UBQLN1: variants seen among roughly 807,000 people sequenced by gnomAD.
UBQLN1 encodes the protein ubiquilin-1.
In UBQLN1, 13 loss-of-function variants were observed where a neutral mutation model predicts 65.4. That is an observed-to-expected ratio of 0.20 (90% CI 0.13 to 0.32). The LOEUF is 0.32. Ranked by LOEUF, UBQLN1 falls within the 10% of genes least tolerant of loss-of-function variation. The probability of loss-of-function intolerance (pLI) is 1.00; values close to 1 mark genes in which losing one functional copy is unlikely to be tolerated. For synonymous variants in UBQLN1, 267 were observed against 247.8 expected (o/e 1.08, Z -0.73); for missense variants, 561 against 724.0 (o/e 0.77, Z 2.58).
intron 1 of UBQLN1, among the ~76,000 whole-genome samples, chr9:83,689,721 T>C (rs1832095541): frequency 6.6e-6 from 1 of 152,206 alleles, no homozygotes; most frequent in Non-Finnish European, 1.5e-5. Context: ...AGGGGCACCA[T>C]ATACTGGACT....
At chr9:83,664,112 A>G in intron 9 of UBQLN1, 69 bp from the exon 10 acceptor site, 7 of 1,500,854 alleles carry the variant, frequency 4.7e-6, no homozygotes, top group South Asian at 1.3e-5. Flanking sequence ...TAAATCAGTT[A>G]CATTTTAATA....
At chr9:83,666,467 A>C (rs1304134747) in intron 7 of UBQLN1, 34 bp from the exon 8 acceptor site, 1 of 1,600,162 alleles carries the variant, frequency 6.2e-7, no homozygotes, top group Middle Eastern at 1.7e-4. Flanking sequence ...TTTTAACTGG[A>C]AATATCTGAA....
chr9:83,691,936 T>C (rs994265191), intron 1 of UBQLN1, among the ~76,000 whole-genome samples: 9 of 152,194 alleles, frequency 5.9e-5, no homozygotes, highest in African/African-American at 9.7e-5. Context: ...CCATTCATAA[T>C]TCAGTTCTTA....
At chr9:83,699,399 C>A (rs549015676) in intron 1 of UBQLN1, among the ~76,000 whole-genome samples, 3 of 152,194 alleles carry the variant, frequency 2.0e-5, no homozygotes, top group Non-Finnish European at 4.4e-5. Flanking sequence ...TGGAATGCTG[C>A]GGTGCAATCA....
At chr9:83,706,111 C>A (rs1443405908) in intron 1 of UBQLN1, among the ~76,000 whole-genome samples, 1 of 121,660 alleles carries the variant, frequency 8.2e-6, no homozygotes, top group Non-Finnish European at 1.7e-5. Flanking sequence ...CATTTCACTG[C>A]TGCCAAAATT....
intron 1 of UBQLN1, among the ~76,000 whole-genome samples, chr9:83,695,871 C>T (rs995771742): frequency 2.0e-5 from 3 of 152,192 alleles, no homozygotes; most frequent in Admixed American, 1.3e-4. Context: ...ATTTAAGTAT[C>T]AACTTCAGTC....
intron 1 of UBQLN1, among the ~76,000 whole-genome samples, chr9:83,706,022 T>C (rs1832399441): frequency 6.6e-6 from 1 of 152,098 alleles, no homozygotes; most frequent in African/African-American, 2.4e-5. Context: ...TAGTCAATTA[T>C]AATGTTCTAT....
At chr9:83,692,731 A>T (rs1284324270) in intron 1 of UBQLN1, among the ~76,000 whole-genome samples, 1 of 152,122 alleles carries the variant, frequency 6.6e-6, no homozygotes, top group Non-Finnish European at 1.5e-5. Context: ...AAATGCCTGT[A>T]ATCCCAGCTA....
chr9:83,707,620 G>C lies in UBQLN1; in HGVS notation c.60C>G (p.Ala20=), dbSNP rs547889730. 20 of 1,583,832 alleles carry C rather than the reference G, an allele frequency of 1.3e-5. No homozygotes were observed. In the Middle Eastern group the frequency reaches 5.1e-4, roughly 40 times the overall value. ...PPGSQDSAAG[A]EGAGAPAAAA... ...CGGCCGCGGGGGCGCCAGCACCTTC[G>C]GCTCCGGCGGCGCTATCCTGGGAGC... is the stretch of plus-strand genomic sequence containing the variant. Residue 20 remains alanine (A), a synonymous_variant, in exon 1 of 11, where the codon GCC becomes GCG. Transcript: ENST00000376395.
chr9:83,706,843 G>T (rs1327916945), intron 1 of UBQLN1, among the ~76,000 whole-genome samples: 2 of 152,072 alleles, frequency 1.3e-5, no homozygotes, highest in Non-Finnish European at 2.9e-5. Context: ...CATACTAAAA[G>T]GGAAAGAGCA....
At chr9:83,691,586 G>A (rs576650056) in intron 1 of UBQLN1, among the ~76,000 whole-genome samples, 3 of 152,240 alleles carry the variant, frequency 2.0e-5, no homozygotes, top group Non-Finnish European at 2.9e-5. Flanking sequence ...CCACACATTC[G>A]AAAATTACCT....
chr9:83,677,804 C>T lies in UBQLN1; in HGVS notation c.1028G>A (p.Gly343Asp), dbSNP rs774451365. ...ACTGGCAGTACTACCAGTAGTGCCA[C>T]CCACAGTGCTGGCAGTGCCGCTGGA... ...SASSGTASTV[G>D]GTTGSTASGT... Residue 343 changes from glycine (G) to aspartate (D), a missense_variant, in exon 6 of 11, where the codon GGT (glycine) becomes GAT (aspartate). By Grantham distance (94) the Gly-to-Asp change is moderately conservative. Transcript: ENST00000376395. 1.2e-6 allele frequency: 2 copies of T among 1,614,134 alleles called. No homozygotes were observed. Among genetic ancestry groups the T allele is most frequent in the Middle Eastern group, 1.6e-4 (1 of 6,062 alleles).
intron 6 of UBQLN1, among the ~76,000 whole-genome samples, chr9:83,673,080 A>G (rs921683673): frequency 1.3e-5 from 2 of 152,126 alleles, no homozygotes; most frequent in Non-Finnish European, 2.9e-5. Context: ...AGATACAAAA[A>G]TCAGCTGGGT....
chr9:83,691,545 T>C (rs1482106185), intron 1 of UBQLN1, among the ~76,000 whole-genome samples: 1 of 152,324 alleles, frequency 6.6e-6, no homozygotes, highest in East Asian at 1.9e-4. Context: ...TTCTCTACAA[T>C]GTCCTAGATG....
chr9:83,701,245 C>G (rs911588951), intron 1 of UBQLN1, among the ~76,000 whole-genome samples: 1 of 151,650 alleles, frequency 6.6e-6, no homozygotes, highest in Non-Finnish European at 1.5e-5. Context: ...AAATAACATC[C>G]TTATGAAAAA....
At chr9:83,690,936 G>A (rs1032887561) in intron 1 of UBQLN1, among the ~76,000 whole-genome samples, 2 of 152,124 alleles carry the variant, frequency 1.3e-5, no homozygotes, top group East Asian at 1.9e-4. Flanking sequence ...TCAGGAATTC[G>A]AGACTAGCCT....
rs1831544522 is a variant in UBQLN1 at position 83,660,412 on chromosome 9, C to CAA, written c.*1373_*1374dup. On this transcript the variant is annotated 3_prime_UTR_variant, in exon 11 of 11. Transcript: ENST00000376395. Reference sequence around the variant, plus strand: ...GTCAGCCAAATGTATCACTGACCCTCAATTATGTTTTAATTGGTCCTAAAG... The same window carrying CAA: ...GTCAGCCAAATGTATCACTGACCCTCAAAATTATGTTTTAATTGGTCCTAAAG... 1 of 152,550 alleles carries CAA rather than the reference C, an allele frequency of 6.6e-6. No individual in the cohort carries two copies. The highest frequency in any genetic ancestry group is 6.5e-5 in the Admixed American group (1 of 15,270). 9.4% of individuals were successfully genotyped at this position (152,550 alleles called of 1,614,324 possible).
intron 1 of UBQLN1, among the ~76,000 whole-genome samples, chr9:83,689,012 CAT>C (rs1321980714): frequency 6.6e-6 from 1 of 152,192 alleles, no homozygotes; most frequent in Non-Finnish European, 1.5e-5. Context: ...TATTCACAGA[CAT>C]GTGTTACAAT....
Position 83,660,461 on chromosome 9 carries a change from G to A in UBQLN1, c.*1326C>T, listed in dbSNP as rs1328097572. ...AGGAATGTACCACCCCAACAGTTTG[G>A]GAGTTAGGCAAACAGAATTCTTTGG... On this transcript the variant is annotated 3_prime_UTR_variant, in exon 11 of 11. Coordinates refer to ENST00000376395, the MANE Select transcript of UBQLN1 (RefSeq NM_013438.5). 1.3e-5 allele frequency: 2 copies of A among 152,556 alleles called. No individual in the cohort carries two copies. Among genetic ancestry groups the A allele is most frequent in the African/African-American group, 2.4e-5 (1 of 41,408 alleles). The allele number at this position is 152,556 out of a possible 1,614,324, so 9.5% of individuals were successfully genotyped here. A position where few individuals can be genotyped will look rare whatever the true frequency, so the allele number is the denominator to read the frequency against.
Sources: gnomAD v4.1 joint callset for allele counts (sites outside exome capture counted in the v4.1 genomes callset) on GRCh38, gnomAD v4.1.1 for gene constraint, MANE v1.5 for transcripts, NCBI Gene and HGNC (gene_info 2026-07-23, HGNC 2026-07-21) for gene names.